Variants in DLGAP1 observed in about 807,000 individuals in gnomAD.
The protein encoded by DLGAP1 is DLG associated protein 1.
In DLGAP1, 11 loss-of-function variants were observed where a neutral mutation model predicts 90.8. The ratio of observed to expected loss-of-function variants is 0.12; its 90% confidence interval spans 0.08 to 0.20. DLGAP1 has a LOEUF of 0.20. Ranked by LOEUF, DLGAP1 falls within the 10% of genes least tolerant of loss-of-function variation. The pLI is 1.00. For missense variants in DLGAP1, 1,050 were observed against 1,333.8 expected (o/e 0.79, Z 3.31); for synonymous variants, 558 against 540.7 (o/e 1.03, Z -0.44).
intron 3 of DLGAP1, among the ~76,000 whole-genome samples, chr18:3,988,561 A>G (rs2083672): frequency 0.45 from 68,314 of 151,914 alleles, 15,925 homozygotes; most frequent in South Asian, 0.53. Flanking sequence ...ACAGTTCACA[A>G]TAGGGTTGGC....
rs180908070 is a variant in DLGAP1 at position 3,567,739 on chromosome 18, G to A, written c.1966-158C>T. Among the ~76,000 whole-genome samples the A allele has an allele frequency of 9.9e-4, 151 of 152,084 alleles. 1 individual carries two copies. Among genetic ancestry groups the A allele is most frequent in the African/African-American group, 3.5e-3 (146 of 41,486 alleles). Reference sequence around the variant, plus strand: ...TTTGTGTACACTACCTTCACTGCACGCTCTTTGACTCTGTTGCTGTTAGTA... The same window carrying A: ...TTTGTGTACACTACCTTCACTGCACACTCTTTGACTCTGTTGCTGTTAGTA... On this transcript the variant is annotated intron_variant, in intron 8 of 12. Transcript: ENST00000315677.
At chr18:4,358,977 C>A (rs920681924) in intron 1 of DLGAP1, among the ~76,000 whole-genome samples, 3 of 152,220 alleles carry the variant, frequency 2.0e-5, no homozygotes, top group Non-Finnish European at 4.4e-5. Context: ...CTTTAAAATG[C>A]TGGCGGGGAT....
At chr18:3,905,464 A>G (rs900060034) in intron 3 of DLGAP1, among the ~76,000 whole-genome samples, 4 of 151,788 alleles carry the variant, frequency 2.6e-5, no homozygotes, top group Admixed American at 6.6e-5. Context: ...CACCCTTATC[A>G]ATACCATTTC....
intron 1 of DLGAP1, among the ~76,000 whole-genome samples, chr18:4,305,433 C>A (rs920168019): frequency 6.6e-6 from 1 of 150,892 alleles, no homozygotes; most frequent in African/African-American, 2.4e-5. Context: ...ACTCGGGAGG[C>A]TGAGGCAGGA....
At chr18:3,678,260 C>G (rs1318413724) in intron 7 of DLGAP1, among the ~76,000 whole-genome samples, 1 of 152,178 alleles carries the variant, frequency 6.6e-6, no homozygotes, top group Non-Finnish European at 1.5e-5. Context: ...GTGTGCCCAG[C>G]CTACTTGCTC....
In DLGAP1 at chr18:3,977,592, C is replaced by T. The variant is rs1028149675; in HGVS notation, c.-73+27524G>A. ...TGGAGGACTGAGTGCGGCAGGGACT[C>T]CCCCTCTCTCTTCCTCTTGTGCTCT... On this transcript the variant is annotated intron_variant, in intron 3 of 12. Coordinates refer to ENST00000315677, the MANE Select transcript of DLGAP1 (RefSeq NM_004746.4). 2.8e-5 allele frequency: 6 copies of T among 211,670 alleles called. 1 individual carries two copies. The South Asian group carries it at 4.3e-4, about 15-fold the overall frequency. 13.1% of individuals were successfully genotyped at this position (211,670 alleles called of 1,614,324 possible).
At chr18:4,225,073 C>T (rs1022955832) in intron 1 of DLGAP1, among the ~76,000 whole-genome samples, 1 of 152,100 alleles carries the variant, frequency 6.6e-6, no homozygotes, top group Admixed American at 6.6e-5. Flanking sequence ...ACAAGAGGCT[C>T]TGCCTGGTAA....
intron 7 of DLGAP1, among the ~76,000 whole-genome samples, chr18:3,644,320 T>C (rs376498193): frequency 1.3e-5 from 2 of 152,294 alleles, no homozygotes; most frequent in Admixed American, 1.3e-4. Flanking sequence ...ATTAATACAA[T>C]CTTTGACCTC....
intron 2 of DLGAP1, among the ~76,000 whole-genome samples, chr18:4,042,688 C>T (rs1013225255): frequency 6.6e-6 from 1 of 152,032 alleles, no homozygotes; most frequent in Non-Finnish European, 1.5e-5. Flanking sequence ...TGCAATAAGC[C>T]GAGATCATGC....
intron 7 of DLGAP1, among the ~76,000 whole-genome samples, chr18:3,639,580 A>G (rs889427849): frequency 1.3e-5 from 2 of 151,954 alleles, no homozygotes; most frequent in African/African-American, 4.8e-5. Context: ...AAGGAATCAC[A>G]GCCCATTGGC....
At chr18:3,830,573 A>C (rs543766594) in intron 4 of DLGAP1, among the ~76,000 whole-genome samples, 26 of 152,340 alleles carry the variant, frequency 1.7e-4, no homozygotes, top group African/African-American at 6.3e-4. Flanking sequence ...CTCAAAAATA[A>C]ATAAATAAAC....
rs1264326114 is a variant in DLGAP1 at position 4,341,306 on chromosome 18, C to G, written c.-267+113700G>C. ...ATTATACATCATGCACTTTAGAAAA[C>G]AAAAATCGCTTATGTACTAAGAAAT... On this transcript the variant is annotated intron_variant, in intron 1 of 12. Coordinates refer to ENST00000315677, the MANE Select transcript of DLGAP1 (RefSeq NM_004746.4). Among the ~76,000 whole-genome samples, 3 of 152,164 alleles carry G rather than the reference C, an allele frequency of 2.0e-5. No homozygotes were observed. In the East Asian group the frequency reaches 5.8e-4, roughly 29 times the overall value.
chr18:3,884,522 T>C (rs1263846446), intron 3 of DLGAP1, among the ~76,000 whole-genome samples: 1 of 152,250 alleles, frequency 6.6e-6, no homozygotes, highest in Admixed American at 6.5e-5. Context: ...AAGATTATTT[T>C]AATCAGGTAT....
intron 1 of DLGAP1, among the ~76,000 whole-genome samples, chr18:4,429,023 C>T (rs34483032): frequency 0.038 from 5,838 of 152,266 alleles, 144 homozygotes; most frequent in Non-Finnish European, 0.064. Flanking sequence ...CATTTGTCAA[C>T]CAAGGATCTA....
At chr18:4,014,775 G>A (rs1177583576) in intron 2 of DLGAP1, among the ~76,000 whole-genome samples, 2 of 152,178 alleles carry the variant, frequency 1.3e-5, no homozygotes. Flanking sequence ...ACAAGCACCT[G>A]TTCAACACCA....
chr18:3,874,012 A>T, intron 4 of DLGAP1: 1 of 1,439,038 alleles, frequency 6.9e-7, no homozygotes, highest in Admixed American at 2.5e-5. Context: ...TTAATTTGTC[A>T]GCTCTTCCAG....
chr18:3,734,868 T>C (rs1008811027), intron 6 of DLGAP1, among the ~76,000 whole-genome samples: 1 of 152,224 alleles, frequency 6.6e-6, no homozygotes, highest in Non-Finnish European at 1.5e-5. Flanking sequence ...ATTTTAACTT[T>C]ATCATATATT....
intron 10 of DLGAP1, among the ~76,000 whole-genome samples, chr18:3,521,464 C>T (rs1175161197): frequency 2.6e-5 from 4 of 152,264 alleles, no homozygotes; most frequent in African/African-American, 9.6e-5. Context: ...TTCCCAAATC[C>T]CCCAAGGTCT....
chr18:4,120,687 G>C (rs969227580), intron 2 of DLGAP1, among the ~76,000 whole-genome samples: 3 of 143,976 alleles, frequency 2.1e-5, no homozygotes, highest in Non-Finnish European at 4.4e-5. Context: ...CAAACAAACC[G>C]ATTGTAATGT....
Sources: gnomAD v4.1 joint callset for allele counts (sites outside exome capture counted in the v4.1 genomes callset) on GRCh38, gnomAD v4.1.1 for gene constraint, MANE v1.5 for transcripts, NCBI Gene and HGNC (gene_info 2026-07-23, HGNC 2026-07-21) for gene names.